Variants in PPP1R9A observed in about 807,000 individuals in gnomAD.
PPP1R9A encodes the protein protein phosphatase 1 regulatory subunit 9A.
A neutral mutation model predicts 141.9 loss-of-function variants in PPP1R9A; 59 were observed. The observed-to-expected ratio is 0.42, with a 90% CI of 0.34 to 0.52. The LOEUF (loss-of-function observed/expected upper bound fraction) is 0.52, where lower values mean the gene tolerates loss of function less well. Ranked by LOEUF, PPP1R9A falls within the 20% of genes least tolerant of loss-of-function variation. The probability of loss-of-function intolerance (pLI) is 0.10; values close to 1 mark genes in which losing one functional copy is unlikely to be tolerated. For missense variants in PPP1R9A, 1,444 were observed against 1,611.9 expected (o/e 0.90, Z 1.78); for synonymous variants, 500 against 569.7 (o/e 0.88, Z 1.74).
intron 17 of PPP1R9A, 111 bp downstream of exon 17, chr7:95,284,441 T>A (rs1390033120): frequency 9.3e-7 from 1 of 1,074,538 alleles, no homozygotes; most frequent in Non-Finnish European, 1.3e-6. Flanking sequence ...TACATTACTC[T>A]TTGATTTGCC....
At chr7:95,226,237 T>A in intron 8 of PPP1R9A, 121 bp downstream of exon 8, 2 of 992,318 alleles carry the variant, frequency 2.0e-6, no homozygotes, top group Non-Finnish European at 2.8e-6. Flanking sequence ...AATAACAGGT[T>A]GTCTTGAGTC....
intron 2 of PPP1R9A, among the ~76,000 whole-genome samples, chr7:94,920,236 C>A (rs905663849): frequency 1.3e-5 from 2 of 151,960 alleles, no homozygotes; most frequent in Non-Finnish European, 2.9e-5. Flanking sequence ...TGTTAAAACA[C>A]CCTGCTGAGG....
chr7:95,183,933 A>G lies in PPP1R9A; in HGVS notation c.1755-14416A>G, dbSNP rs556732591. 5.3e-4 allele frequency among the ~76,000 whole-genome samples: 80 copies of G among 152,188 alleles called. 2 individuals carry two copies. Among genetic ancestry groups the G allele is most frequent in the African/African-American group, 1.9e-3 (78 of 41,542 alleles). On this transcript the variant is annotated intron_variant, in intron 5 of 19. Transcript: ENST00000433360. ...ACCCAGGCTGGAGTGCAGTGGCCAG[A>G]TCCAGCTTTCAAAAGCAATCATCTT...
At chr7:95,135,216 G>A (rs2152544095) in intron 4 of PPP1R9A, among the ~76,000 whole-genome samples, 1 of 152,208 alleles carries the variant, frequency 6.6e-6, no homozygotes, top group African/African-American at 2.4e-5. Context: ...GCGTATTTGT[G>A]TATGTGTATG....
At chr7:95,267,070 C>A (rs1801413337) in intron 12 of PPP1R9A, among the ~76,000 whole-genome samples, 1 of 152,076 alleles carries the variant, frequency 6.6e-6, no homozygotes, top group Non-Finnish European at 1.5e-5. Context: ...AAAGTCAAAA[C>A]CTTCTCTAAA....
chr7:95,037,469 A>C (rs546793478), intron 2 of PPP1R9A, among the ~76,000 whole-genome samples: 23 of 152,310 alleles, frequency 1.5e-4, no homozygotes, highest in African/African-American at 5.3e-4. Context: ...TTATGACCAA[A>C]AGTGATTTCA....
At chr7:95,010,798 A>G (rs576401087) in intron 2 of PPP1R9A, among the ~76,000 whole-genome samples, 3 of 152,256 alleles carry the variant, frequency 2.0e-5, no homozygotes, top group African/African-American at 4.8e-5. Flanking sequence ...ACCAGGTACT[A>G]TTGCTATAAC....
At chr7:95,180,566 T>C (rs948571017) in intron 5 of PPP1R9A, among the ~76,000 whole-genome samples, 1 of 151,984 alleles carries the variant, frequency 6.6e-6, no homozygotes. Context: ...ACAGCCAAAG[T>C]CACAGTCAGC....
Position 95,295,155 on chromosome 7 carries a change from A to G in PPP1R9A, c.*4852A>G, listed in dbSNP as rs1806929852. The G allele has an allele frequency of 6.6e-6, 1 of 152,642 alleles. No individual in the cohort carries two copies. Among genetic ancestry groups the G allele is most frequent in the Non-Finnish European group, 1.5e-5 (1 of 68,050 alleles). The allele number at this position is 152,642 out of a possible 1,614,324, so 9.5% of individuals were successfully genotyped here. On this transcript the variant is annotated 3_prime_UTR_variant, in exon 20 of 20. Transcript: ENST00000433360. ...CTGCAATCACATGGCATTAAAAAAT[A>G]TATTGTGTATGGAACTTGGCGAGGT...
chr7:95,184,412 A>C (rs1834323288), intron 5 of PPP1R9A, among the ~76,000 whole-genome samples: 1 of 152,212 alleles, frequency 6.6e-6, no homozygotes, highest in South Asian at 2.1e-4. Flanking sequence ...GTTATATAAG[A>C]ACTGGTAACT....
intron 2 of PPP1R9A, among the ~76,000 whole-genome samples, chr7:95,077,013 A>C (rs779079093): frequency 6.6e-6 from 1 of 151,754 alleles, no homozygotes; most frequent in Non-Finnish European, 1.5e-5. Context: ...TCACAGAATG[A>C]TTCCTTTCAA....
chr7:95,127,348 C>T (rs910146565), intron 4 of PPP1R9A, among the ~76,000 whole-genome samples: 1 of 152,068 alleles, frequency 6.6e-6, no homozygotes, highest in Non-Finnish European at 1.5e-5. Flanking sequence ...ACAGGAAGAA[C>T]TATGTAGAAT....
chr7:95,293,011 T>C lies in PPP1R9A; in HGVS notation c.*2708T>C, dbSNP rs138728221. The C allele has an allele frequency of 6.6e-6, 1 of 152,316 alleles. No individual in the cohort carries two copies. The highest frequency in any genetic ancestry group is 1.9e-4 in the East Asian group (1 of 5,182). The allele number at this position is 152,316 out of a possible 1,614,324, so 9.4% of individuals were successfully genotyped here. On this transcript the variant is annotated 3_prime_UTR_variant, in exon 20 of 20. Coordinates refer to ENST00000433360, the MANE Select transcript of PPP1R9A (RefSeq NM_001166160.2). ...ACCTTAAAAACTGCAGTTTTTATTA[T>C]CAGAAAATGAACAAAAAGGGAATAT...
chr7:95,264,206 A>G (rs1240215979), intron 12 of PPP1R9A, among the ~76,000 whole-genome samples: 1 of 152,224 alleles, frequency 6.6e-6, no homozygotes, highest in African/African-American at 2.4e-5. Context: ...AATGATATGC[A>G]GATACTGTTC....
At chr7:94,986,237 A>C (rs1800816749) in intron 2 of PPP1R9A, among the ~76,000 whole-genome samples, 2 of 152,120 alleles carry the variant, frequency 1.3e-5, no homozygotes, top group African/African-American at 2.4e-5. Flanking sequence ...TTCCTTTTCC[A>C]ATATTCTTGT....
At chr7:95,185,933 G>GTA (rs1834580147) in intron 5 of PPP1R9A, among the ~76,000 whole-genome samples, 1 of 152,078 alleles carries the variant, frequency 6.6e-6, no homozygotes, top group Admixed American at 6.5e-5. Flanking sequence ...TAGCCATGTA[G>GTA]TATAATTTGA....
intron 2 of PPP1R9A, among the ~76,000 whole-genome samples, chr7:94,962,942 G>C (rs545251337): frequency 6.6e-6 from 1 of 152,012 alleles, no homozygotes; most frequent in East Asian, 1.9e-4. Flanking sequence ...TCCTTTCCTG[G>C]ATTTGCTTCC....
At chr7:95,054,282 A>ATT (rs201366654) in intron 2 of PPP1R9A, among the ~76,000 whole-genome samples, 1 of 143,294 alleles carries the variant, frequency 7.0e-6, no homozygotes, top group African/African-American at 2.5e-5. Context: ...CGCCCAGCTA[A>ATT]TTTTTTTTTT....
Position 94,911,161 on chromosome 7 carries a change from A to G in PPP1R9A, c.1048A>G (p.Asn350Asp), listed in dbSNP as rs1001895545. Residue 350 changes from asparagine (N) to aspartate (D), a missense_variant, in exon 2 of 20, where the codon AAT (asparagine) becomes GAT (aspartate). Coordinates refer to ENST00000433360, the MANE Select transcript of PPP1R9A (RefSeq NM_001166160.2). ...CCAACTGTTAGAAGATGCTGAAGCT[A>G]ATTTGGTTGGAAGGGAGGCAGCAAA... ...QSQLLEDAEA[N>D]LVGREAAKQQ... 2.6e-5 allele frequency: 42 copies of G among 1,614,024 alleles called. No homozygotes were observed. The Admixed American group carries it at 4.7e-4, about 18-fold the overall frequency.
Sources: gnomAD v4.1 joint callset for allele counts (sites outside exome capture counted in the v4.1 genomes callset) on GRCh38, gnomAD v4.1.1 for gene constraint, MANE v1.5 for transcripts, NCBI Gene and HGNC (gene_info 2026-07-23, HGNC 2026-07-21) for gene names.